The following ANKS1B variants were observed in gnomAD, a reference collection of about 807,000 sequenced individuals.
ANKS1B encodes the protein ankyrin repeat and sterile alpha motif domain containing 1B.
A neutral mutation model predicts 148.3 loss-of-function variants in ANKS1B; 36 were observed. The ratio of observed to expected loss-of-function variants is 0.24; its 90% CI spans 0.19 to 0.32. The LOEUF (loss-of-function observed/expected upper bound fraction) is 0.32, where lower values mean the gene tolerates loss of function less well. Among genes scored for constraint, ANKS1B ranks in the 10% least tolerant of loss-of-function variants. ANKS1B has a pLI of 1.00. For synonymous variants in ANKS1B, 542 were observed against 560.8 expected (o/e 0.97, Z 0.47); for missense variants, 1,157 against 1,542.6 (o/e 0.75, Z 4.19).
At chr12:99,206,495 G>A (rs1476199484) in intron 14 of ANKS1B, among the ~76,000 whole-genome samples, 1 of 152,088 alleles carries the variant, frequency 6.6e-6, no homozygotes. Flanking sequence ...AATTTAATGG[G>A]CTCTTTTCAA....
chr12:99,310,179 T>C lies in ANKS1B; in HGVS notation c.1757-63315A>G, dbSNP rs555194806. Among the ~76,000 whole-genome samples the C allele has an allele frequency of 1.6e-4, 24 of 152,244 alleles. No individual in the cohort carries two copies. The East Asian group carries it at 4.6e-3, about 29-fold the overall frequency. On this transcript the variant is annotated intron_variant, in intron 12 of 26. Transcript: ENST00000683438. Reference sequence around the variant, plus strand: ...TGACCAACCATCCCTTAAGAAATAATAACATGTTTTCAACTCATGCTCAAA... The same window carrying C: ...TGACCAACCATCCCTTAAGAAATAACAACATGTTTTCAACTCATGCTCAAA...
At chr12:99,514,761 A>G (rs550871347) in intron 9 of ANKS1B, among the ~76,000 whole-genome samples, 7 of 152,148 alleles carry the variant, frequency 4.6e-5, no homozygotes, top group African/African-American at 1.2e-4. Context: ...GGTAGTATCT[A>G]GCTCTGCCAA....
chr12:99,505,004 T>A (rs1403612692), intron 9 of ANKS1B, among the ~76,000 whole-genome samples: 1 of 152,072 alleles, frequency 6.6e-6, no homozygotes, highest in Non-Finnish European at 1.5e-5. Flanking sequence ...GAGACACCCA[T>A]ATAACTCAAC....
intron 15 of ANKS1B, among the ~76,000 whole-genome samples, chr12:99,098,872 A>C (rs74388702): frequency 0.011 from 1,675 of 147,830 alleles, 46 homozygotes; most frequent in East Asian, 0.096. Context: ...TTTGGGGTTT[A>C]ATTTCTGTGG....
At chr12:99,234,900 C>A (rs1016666531) in intron 14 of ANKS1B, among the ~76,000 whole-genome samples, 15 of 152,072 alleles carry the variant, frequency 9.9e-5, no homozygotes, top group African/African-American at 3.4e-4. Context: ...TGCAACTCAG[C>A]AAAACTGTAA....
intron 22 of ANKS1B, among the ~76,000 whole-genome samples, chr12:98,785,961 G>A (rs1369596159): frequency 1.3e-5 from 2 of 152,204 alleles, no homozygotes; most frequent in African/African-American, 4.8e-5. Flanking sequence ...CCTATGCCAT[G>A]CTCTTTGTGG....
In ANKS1B at chr12:99,399,755, G is replaced by A. The variant is rs1253702925; in HGVS notation, c.1632C>T (p.Asn544=). 6.2e-7 allele frequency: 1 copy of A among 1,613,412 alleles called. No homozygotes were observed. ...SSLDFHRMNH[N]QEYFEINTST... is the part of the protein sequence containing the mutation. ...ATGTGTTGATTTCAAAATATTCTTG[G>A]TTGTGATTCATTCGGTGAAAATCCA... is the stretch of plus-strand genomic sequence containing the variant. Residue 544 remains asparagine (N), a synonymous_variant, in exon 12 of 27, where the codon AAC becomes AAT. Transcript: ENST00000683438.
intron 12 of ANKS1B, among the ~76,000 whole-genome samples, chr12:99,313,315 C>G (rs924329710): frequency 6.6e-6 from 1 of 152,190 alleles, no homozygotes; most frequent in African/African-American, 2.4e-5. Flanking sequence ...CAGACAGATT[C>G]ACAGCTGAAT....
intron 11 of ANKS1B, among the ~76,000 whole-genome samples, chr12:99,430,639 T>C (rs1160530856): frequency 1.3e-5 from 2 of 152,198 alleles, no homozygotes; most frequent in Non-Finnish European, 2.9e-5. Context: ...GAATTAGAGT[T>C]ACTGAGCTGT....
intron 3 of ANKS1B, among the ~76,000 whole-genome samples, chr12:99,811,565 T>G (rs1003877478): frequency 1.3e-5 from 2 of 151,920 alleles, no homozygotes; most frequent in African/African-American, 4.8e-5. Context: ...ATATAGATAT[T>G]GTGTACTTAC....
chr12:99,138,070 A>G (rs1483841869), intron 15 of ANKS1B, among the ~76,000 whole-genome samples: 1 of 152,190 alleles, frequency 6.6e-6, no homozygotes, highest in African/African-American at 2.4e-5. Flanking sequence ...ACTATGATCA[A>G]TGTTTGTATT....
chr12:99,283,302 G>T (rs1327083293), intron 12 of ANKS1B, among the ~76,000 whole-genome samples: 1 of 152,018 alleles, frequency 6.6e-6, no homozygotes, highest in Admixed American at 6.6e-5. Context: ...CTATTTTTTG[G>T]CTCCTCAATC....
intron 12 of ANKS1B, among the ~76,000 whole-genome samples, chr12:99,377,495 T>C (rs1312639642): frequency 6.6e-6 from 1 of 152,152 alleles, no homozygotes; most frequent in Admixed American, 6.5e-5. Context: ...TAAAAAAATA[T>C]TCAGAGCAAA....
At chr12:99,037,035 A>G (rs1192976599) in intron 17 of ANKS1B, among the ~76,000 whole-genome samples, 1 of 152,218 alleles carries the variant, frequency 6.6e-6, no homozygotes, top group Non-Finnish European at 1.5e-5. Flanking sequence ...TCTAGGTTCC[A>G]TGAAATAGAG....
intron 12 of ANKS1B, among the ~76,000 whole-genome samples, chr12:99,313,696 G>A (rs948680464): frequency 6.6e-6 from 1 of 152,094 alleles, no homozygotes; most frequent in Admixed American, 6.6e-5. Context: ...GTGCAGAAAA[G>A]GCCTTTGATA....
chr12:99,585,783 T>G (rs562085954), intron 9 of ANKS1B, among the ~76,000 whole-genome samples: 22 of 152,298 alleles, frequency 1.4e-4, no homozygotes, highest in African/African-American at 4.3e-4. Flanking sequence ...TCTGAAGCCA[T>G]GGCCCAGGCT....
chr12:99,123,013 T>TATATATATATAA lies in ANKS1B; in HGVS notation c.2526+31275_2526+31276insTTATATATATAT, dbSNP rs1406812994. ...TAAAAAAAAAATATATATATATATA[T>TATATATATATAA]AAACATGTATATAAACCAACAAAAC... On this transcript the variant is annotated intron_variant, in intron 15 of 26. Coordinates refer to ENST00000683438, the MANE Select transcript of ANKS1B (RefSeq NM_001352186.2). Among the ~76,000 whole-genome samples the TATATATATATAA allele has an allele frequency of 4.9e-3, 713 of 145,586 alleles. 11 individuals are homozygous for TATATATATATAA. Among genetic ancestry groups the TATATATATATAA allele is most frequent in the African/African-American group, 0.017 (673 of 39,390 alleles).
intron 12 of ANKS1B, among the ~76,000 whole-genome samples, chr12:99,301,002 G>A (rs1477003995): frequency 6.6e-6 from 1 of 152,192 alleles, no homozygotes; most frequent in Non-Finnish European, 1.5e-5. Flanking sequence ...AACCAGGAAA[G>A]CTGGTGTGTA....
At chr12:99,352,106 T>C (rs2091483597) in intron 12 of ANKS1B, 1 of 151,948 alleles carries the variant, frequency 6.6e-6, no homozygotes, top group Admixed American at 6.6e-5. Context: ...ATACTGAATA[T>C]GAAAAGTACA....
Sources: allele counts gnomAD v4.1 joint callset (sites outside exome capture counted in the v4.1 genomes callset), GRCh38; gene constraint gnomAD v4.1.1; transcripts MANE v1.5; gene names NCBI Gene and HGNC (gene_info 2026-07-23, HGNC 2026-07-21).